DGKI: variants seen among roughly 807,000 people sequenced by gnomAD.
DGKI encodes diacylglycerol kinase iota.
A neutral mutation model predicts 147.5 loss-of-function variants in DGKI; 55 were observed. That is an observed-to-expected ratio of 0.37 (90% CI 0.30 to 0.47). The LOEUF (loss-of-function observed/expected upper bound fraction) is 0.47. DGKI is among the 20% of genes least tolerant of loss of function. DGKI has a pLI of 1.00. For synonymous variants in DGKI, 469 were observed against 477.1 expected, an observed-to-expected ratio of 0.98 and a Z score of 0.22; for missense variants, 1,007 against 1,323.8, an observed-to-expected ratio of 0.76 and a Z score of 3.71.
intron 1 of DGKI, among the ~76,000 whole-genome samples, chr7:137,792,774 A>T (rs1796894290): frequency 6.6e-6 from 1 of 152,112 alleles, no homozygotes; most frequent in South Asian, 2.1e-4. Flanking sequence ...GGAACTTGGC[A>T]TCTCCCTCTT....
At chr7:137,457,258 T>A (rs1165262078) in intron 27 of DGKI, among the ~76,000 whole-genome samples, 1 of 152,170 alleles carries the variant, frequency 6.6e-6, no homozygotes, top group Non-Finnish European at 1.5e-5. Flanking sequence ...ACTGATTTCA[T>A]CTCTAAGATA....
chr7:137,427,602 G>A (rs1305901971), intron 28 of DGKI, among the ~76,000 whole-genome samples: 1 of 152,130 alleles, frequency 6.6e-6, no homozygotes, highest in Non-Finnish European at 1.5e-5. Flanking sequence ...AAAAATTAAA[G>A]AATCCAGGAG....
chr7:137,588,572 G>T (rs796649355), intron 12 of DGKI, among the ~76,000 whole-genome samples: 1 of 150,210 alleles, frequency 6.7e-6, no homozygotes, highest in Non-Finnish European at 1.5e-5. Flanking sequence ...CACCTCCTGG[G>T]TTCACGCCAT....
intron 3 of DGKI, among the ~76,000 whole-genome samples, chr7:137,671,382 T>TAC (rs1165648154): frequency 8.5e-5 from 13 of 152,304 alleles, no homozygotes; most frequent in Non-Finnish European, 1.3e-4. Flanking sequence ...ATATGGATGC[T>TAC]ACACACAGCA....
chr7:137,495,460 C>T (rs1173254072), intron 21 of DGKI, among the ~76,000 whole-genome samples: 9 of 129,744 alleles, frequency 6.9e-5, no homozygotes, highest in African/African-American at 1.5e-4. Context: ...CTAACTCACT[C>T]GGTGAGGCCA....
At chr7:137,443,460 A>T (rs1813591599) in intron 28 of DGKI, among the ~76,000 whole-genome samples, 1 of 152,338 alleles carries the variant, frequency 6.6e-6, no homozygotes, top group South Asian at 2.1e-4. Context: ...ATAACTGATC[A>T]TTGTAGACAC....
At chr7:137,422,859 C>G (rs1812635166) in intron 28 of DGKI, among the ~76,000 whole-genome samples, 1 of 152,156 alleles carries the variant, frequency 6.6e-6, no homozygotes, top group African/African-American at 2.4e-5. Context: ...CCGCCTCAGC[C>G]TCCCAAAGTG....
intron 6 of DGKI, among the ~76,000 whole-genome samples, chr7:137,630,888 G>A (rs1229426192): frequency 1.3e-5 from 2 of 152,036 alleles, no homozygotes; most frequent in African/African-American, 4.8e-5. Context: ...TTATGACAAT[G>A]CTGATCCATG....
chr7:137,482,269 C>A (rs942438392), intron 23 of DGKI, among the ~76,000 whole-genome samples: 1 of 151,890 alleles, frequency 6.6e-6, no homozygotes, highest in Non-Finnish European at 1.5e-5. Context: ...CGTGATACCA[C>A]CTTCTCCTTG....
At chr7:137,744,427 C>A (rs1401883758) in intron 1 of DGKI, among the ~76,000 whole-genome samples, 1 of 152,018 alleles carries the variant, frequency 6.6e-6, no homozygotes, top group Non-Finnish European at 1.5e-5. Context: ...CCAAAAAAAC[C>A]TGGGACCACA....
chr7:137,774,906 G>A (rs1796318558), intron 1 of DGKI: 1 of 152,164 alleles, frequency 6.6e-6, no homozygotes. Context: ...TCACAGGACT[G>A]TTATGAGTGG....
chr7:137,667,288 T>G (rs1822672350), intron 3 of DGKI, among the ~76,000 whole-genome samples: 1 of 152,110 alleles, frequency 6.6e-6, no homozygotes, highest in Non-Finnish European at 1.5e-5. Flanking sequence ...TACACACCCA[T>G]GTGCATTCAC....
At chr7:137,749,978 T>A (rs915125551) in intron 1 of DGKI, among the ~76,000 whole-genome samples, 50 of 152,120 alleles carry the variant, frequency 3.3e-4, no homozygotes, top group African/African-American at 1.2e-3. Context: ...GTGCAAAGAC[T>A]GAGAAAGTGC....
At chr7:137,395,489 G>A (rs1334869210) in intron 32 of DGKI, 109 bp downstream of exon 32, 4 of 971,418 alleles carry the variant, frequency 4.1e-6, no homozygotes, top group Non-Finnish European at 6.3e-6. Flanking sequence ...AAAGCCCCAG[G>A]CACTTCCATA....
chr7:137,666,146 A>C (rs1822632355), intron 3 of DGKI, among the ~76,000 whole-genome samples: 1 of 152,216 alleles, frequency 6.6e-6, no homozygotes, highest in Non-Finnish European at 1.5e-5. Context: ...TTAAACTAAA[A>C]TTTGTACCAA....
In DGKI at chr7:137,384,242, T is replaced by C. The variant is rs1415253789; in HGVS notation, c.*6978A>G. The C allele has an allele frequency of 6.6e-6, 1 of 152,044 alleles. No individual in the cohort carries two copies. The highest frequency in any genetic ancestry group is 1.9e-4 in the East Asian group (1 of 5,190). The allele number at this position is 152,044 out of a possible 1,614,324, so 9.4% of individuals were successfully genotyped here. On this transcript the variant is annotated 3_prime_UTR_variant, in exon 33 of 33. Coordinates refer to ENST00000614521, the MANE Select transcript of DGKI (RefSeq NM_001321708.2). ...CCATTAACGCTCACTGTTAATTTCT[T>C]CTCTTGAAATCCACCCTGGTATGCA...
chr7:137,702,401 G>T (rs906573143), intron 1 of DGKI, among the ~76,000 whole-genome samples: 10 of 152,082 alleles, frequency 6.6e-5, no homozygotes, highest in African/African-American at 2.4e-4. Context: ...TGTGCTTCTA[G>T]CAGGAATAGC....
chr7:137,458,143 G>A (rs901281204), intron 27 of DGKI, among the ~76,000 whole-genome samples: 5 of 152,024 alleles, frequency 3.3e-5, no homozygotes, highest in Non-Finnish European at 7.4e-5. Flanking sequence ...TTCAATACAC[G>A]ATTGACTGAA....
intron 5 of DGKI, among the ~76,000 whole-genome samples, chr7:137,652,247 T>C (rs1822054724): frequency 6.6e-6 from 1 of 152,106 alleles, no homozygotes; most frequent in African/African-American, 2.4e-5. Context: ...CAAGGGAGAA[T>C]ATCCAAAACC....
Sources: allele counts gnomAD v4.1 joint callset (sites outside exome capture counted in the v4.1 genomes callset), GRCh38; gene constraint gnomAD v4.1.1; transcripts MANE v1.5; gene names NCBI Gene and HGNC (gene_info 2026-07-23, HGNC 2026-07-21).